ZNF579: variants seen among roughly 807,000 people sequenced by gnomAD.
ZNF579 encodes the protein zinc finger protein 579.
ZNF579 carries 3 observed loss-of-function variants against 5.7 expected under a neutral mutation model. That is an observed-to-expected ratio of 0.53 (90% CI 0.24 to 1.36). The LOEUF (loss-of-function observed/expected upper bound fraction) is 1.36, where lower values mean the gene tolerates loss of function less well. ZNF579 is among the 40% of genes most tolerant of loss of function. ZNF579 has a pLI of 0.16. For synonymous variants in ZNF579, 454 were observed against 409.0 expected, an observed-to-expected ratio of 1.11 and a Z score of -1.33; for missense variants, 679 against 877.6, an observed-to-expected ratio of 0.77 and a Z score of 2.86.
At position 55,578,135 on chromosome 19, in the gene ZNF579, A is replaced by AGCG; in HGVS notation, c.1502_1504dup (p.Pro501dup). On this transcript the variant is annotated inframe_insertion, in exon 2 of 2. Coordinates refer to ENST00000325421, the MANE Select transcript of ZNF579 (RefSeq NM_152600.3). ...CTCTTCCTTAATGTTTGCGAGGGGC[A>AGCG]GCGGGAGCCCTTCTTCCTCCTGCTC... is the stretch of plus-strand genomic sequence containing the variant. 6.5e-7 allele frequency: 1 copy of AGCG among 1,540,082 alleles called. No homozygotes were observed. Among genetic ancestry groups the AGCG allele is most frequent in the Non-Finnish European group, 8.8e-7 (1 of 1,142,240 alleles).
At position 55,578,846 on chromosome 19, in the gene ZNF579, G is replaced by A; in HGVS notation, c.794C>T (p.Pro265Leu). ...GGAGCACTGGTGTCGCTTGGGGCGT[G>A]GCGGGGGCCCCCCTTCCCCTTCCTG... The part of the protein sequence containing the change: ...GEQEGEGGPP[P>L]RPKRHQCSIC... The change falls in exon 2 of 2, where the codon CCA becomes CTA. Residue 265 changes from proline to leucine, a missense_variant. Transcript: ENST00000325421. 6.2e-7 allele frequency: 1 copy of A among 1,600,800 alleles called. No homozygotes were observed. The highest frequency in any genetic ancestry group is 8.5e-7 in the Non-Finnish European group (1 of 1,172,908).
In ZNF579 at chr19:55,579,121, C is replaced by A. The variant is rs1434354999; in HGVS notation, c.519G>T (p.Thr173=). Reference sequence around the variant, plus strand: ...GCGTGGAAGGCTCCCCCGCAGGCCACGTCTCAGGCCACGCTGCGACCGCCT... The same window carrying A: ...GCGTGGAAGGCTCCCCCGCAGGCCAAGTCTCAGGCCACGCTGCGACCGCCT... ...EEEAVAAWPE[T]WPAGEPSTLA... The change falls in exon 2 of 2, where the codon ACG becomes ACT. Residue 173 remains threonine (T), a synonymous_variant. Coordinates refer to ENST00000325421, the MANE Select transcript of ZNF579 (RefSeq NM_152600.3). The A allele has an allele frequency of 6.6e-7, 1 of 1,526,092 alleles. No individual in the cohort carries two copies. Among genetic ancestry groups the A allele is most frequent in the Admixed American group, 2.0e-5 (1 of 50,628 alleles). The allele number at this position is 1,526,092 out of a possible 1,614,324, so 94.5% of individuals were successfully genotyped here. A position where few individuals can be genotyped will look rare whatever the true frequency, so the allele number is the denominator to read the frequency against.
chr19:55,578,143 C>A lies in ZNF579; in HGVS notation c.1497G>T (p.Gly499=). Residue 499 remains glycine (G), a synonymous_variant, in exon 2 of 2, where the codon GGG becomes GGT. Transcript: ENST00000325421. ...PPLKAEQEEE[G]LPLPLANIKE... ...TAATGTTTGCGAGGGGCAGCGGGAG[C>A]CCTTCTTCCTCCTGCTCGGCCTTCA... 1 of 1,532,524 alleles carries A rather than the reference C, an allele frequency of 6.5e-7. No individual in the cohort carries two copies. The allele number at this position is 1,532,524 out of a possible 1,614,324, so 94.9% of individuals were successfully genotyped here. A position where few individuals can be genotyped will look rare whatever the true frequency, so the allele number is the denominator to read the frequency against.
rs757035005 is a variant in ZNF579, at chr19:55,577,916, C to A, written c.*35G>T. ...CTCCTCCATTCTGCAAACCGGGGAGCTCAGGCGGAGCGGCGGAGGGCAGGG... is the reference window on the plus strand; with the variant it reads ...CTCCTCCATTCTGCAAACCGGGGAGATCAGGCGGAGCGGCGGAGGGCAGGG... On this transcript the variant is annotated 3_prime_UTR_variant, in exon 2 of 2. Coordinates refer to ENST00000325421, the MANE Select transcript of ZNF579 (RefSeq NM_152600.3). The A allele has an allele frequency of 6.4e-7, 1 of 1,556,140 alleles. No homozygotes were observed. Among genetic ancestry groups the A allele is most frequent in the East Asian group, 2.4e-5 (1 of 41,942 alleles).
rs1045818743 is a variant in ZNF579 at position 55,577,267 on chromosome 19, C to G, written c.*684G>C. On this transcript the variant is annotated 3_prime_UTR_variant, in exon 2 of 2. Coordinates refer to ENST00000325421, the MANE Select transcript of ZNF579 (RefSeq NM_152600.3). ...TGTGGTAGAGATTGACTGAGTAAGG[C>G]GCGGAGCTTCCACAGGGCAGTGGTG... 6.5e-6 allele frequency: 1 copy of G among 154,462 alleles called. No individual in the cohort carries two copies. The highest frequency in any genetic ancestry group is 1.9e-4 in the East Asian group (1 of 5,198). 9.6% of individuals were successfully genotyped at this position (154,462 alleles called of 1,614,324 possible).
At position 55,579,364 on chromosome 19, in the gene ZNF579, G is replaced by A. The variant is rs747188086; in HGVS notation, c.276C>T (p.Arg92=). The change falls in exon 2 of 2, where the codon CGC becomes CGT. Residue 92 remains arginine (R), a synonymous_variant. Coordinates refer to ENST00000325421, the MANE Select transcript of ZNF579 (RefSeq NM_152600.3). ...RRPAHLSRHL[R]GHGPQPPLRC... ...GCAGCGGGGGCTGGGGCCCGTGGCCGCGCAGGTGGCGGGAAAGGTGGGCCG... is the reference window on the plus strand; with the variant it reads ...GCAGCGGGGGCTGGGGCCCGTGGCCACGCAGGTGGCGGGAAAGGTGGGCCG... The A allele has an allele frequency of 3.7e-6, 5 of 1,344,084 alleles. No homozygotes were observed. The South Asian group carries it at 5.6e-5, about 15-fold the overall frequency. The allele number at this position is 1,344,084 out of a possible 1,614,324, so 83.3% of individuals were successfully genotyped here.
chr19:55,577,710 T>G lies in ZNF579; in HGVS notation c.*241A>C. On this transcript the variant is annotated 3_prime_UTR_variant, in exon 2 of 2. Transcript: ENST00000325421. Reference sequence around the variant, plus strand: ...TCCCTCTGGCCAACTGTCCGCCGCCTTTTTTTCCAAGTCGTCCTGCCTTAA... The same window carrying G: ...TCCCTCTGGCCAACTGTCCGCCGCCGTTTTTTCCAAGTCGTCCTGCCTTAA... 1 of 654,820 alleles carries G rather than the reference T, an allele frequency of 1.5e-6. No individual in the cohort carries two copies. The highest frequency in any genetic ancestry group is 2.4e-6 in the Non-Finnish European group (1 of 422,642). 40.6% of individuals were successfully genotyped at this position (654,820 alleles called of 1,614,324 possible).
In ZNF579 at chr19:55,578,433, C is replaced by T; in HGVS notation, c.1207G>A (p.Gly403Arg). The T allele has an allele frequency of 1.4e-6, 2 of 1,476,376 alleles. No individual in the cohort carries two copies. 91.5% of individuals were successfully genotyped at this position (1,476,376 alleles called of 1,614,324 possible). A position where few individuals can be genotyped will look rare whatever the true frequency, so the allele number is the denominator to read the frequency against. The change falls in exon 2 of 2, where the codon GGG becomes AGG. Residue 403 changes from glycine to arginine, a missense_variant. By Grantham distance (125) the Gly-to-Arg change is moderately radical (BLOSUM62 -2). Around this residue, in one of 6 missense-constraint regions of ZNF579, gnomAD observed 68 missense variants for 154.2 expected, o/e 0.44. Coordinates refer to ENST00000325421, the MANE Select transcript of ZNF579 (RefSeq NM_152600.3). ...FRRRAHLRQH[G>R]VTHSGARPFQ... ...GGGCGCGCTCCCGAGTGGGTCACCC[C>T]GTGCTGCCGCAGGTGCGCCCGGCGC...
At position 55,577,764 on chromosome 19, in the gene ZNF579, C is replaced by A. The variant is rs1979426586; in HGVS notation, c.*187G>T. The A allele has an allele frequency of 2.6e-6, 3 of 1,149,028 alleles. No homozygotes were observed. Among genetic ancestry groups the A allele is most frequent in the Non-Finnish European group, 3.6e-6 (3 of 838,810 alleles). The allele number at this position is 1,149,028 out of a possible 1,614,324, so 71.2% of individuals were successfully genotyped here. On this transcript the variant is annotated 3_prime_UTR_variant, in exon 2 of 2. Coordinates refer to ENST00000325421, the MANE Select transcript of ZNF579 (RefSeq NM_152600.3). The stretch of plus-strand genomic sequence containing the variant: ...ACATGTTGGGGTGAGCGGTTCCTAA[C>A]CAGCATCAGGGGTTCTGGGGGCGGG...
At position 55,578,986 on chromosome 19, in the gene ZNF579, C is replaced by T. The variant is rs1031586431; in HGVS notation, c.654G>A (p.Glu218=). The T allele has an allele frequency of 3.9e-6, 6 of 1,535,934 alleles. No homozygotes were observed. The highest frequency in any genetic ancestry group is 1.9e-5 in the Admixed American group (1 of 51,316). Residue 218 remains glutamate (E), a synonymous_variant, in exon 2 of 2, where the codon GAG becomes GAA. Coordinates refer to ENST00000325421, the MANE Select transcript of ZNF579 (RefSeq NM_152600.3). ...AELALAAGRQ[E]EKQVLLQADW... is the part of the protein sequence containing the mutation. ...CTGCCTGGAGCAGGACCTGTTTCTC[C>T]TCCTGCCGCCCGGCCGCCAGCGCCA...
chr19:55,579,568 T>TCGGCCACGGCCC lies in ZNF579; in HGVS notation c.60_71dup (p.Arg32_Gly35dup). On this transcript the variant is annotated inframe_insertion, in exon 2 of 2. Transcript: ENST00000325421. ...CACGGCCACGGCCCCGACCACGGCCTCGGCCACGGCCCCGGCCTCGGCCAC... is the reference window on the plus strand; with the variant it reads ...CACGGCCACGGCCCCGACCACGGCCTCGGCCACGGCCCCGGCCACGGCCCCGGCCTCGGCCAC... 3 of 1,490,724 alleles carry TCGGCCACGGCCC rather than the reference T, an allele frequency of 2.0e-6. No individual in the cohort carries two copies. Among genetic ancestry groups the TCGGCCACGGCCC allele is most frequent in the Non-Finnish European group, 2.7e-6 (3 of 1,126,310 alleles). 92.3% of individuals were successfully genotyped at this position (1,490,724 alleles called of 1,614,324 possible). A position where few individuals can be genotyped will look rare whatever the true frequency, so the allele number is the denominator to read the frequency against.
rs1460628463 is a variant in ZNF579, at chr19:55,579,580, C to CCGGCCT, written c.54_59dup (p.Arg34_Gly35dup). ...CCCGACCACGGCCTCGGCCACGGCC[C>CCGGCCT]CGGCCTCGGCCACGGTGAGGTGGGC... On this transcript the variant is annotated inframe_insertion, in exon 2 of 2. Coordinates refer to ENST00000325421, the MANE Select transcript of ZNF579 (RefSeq NM_152600.3). The CCGGCCT allele has an allele frequency of 4.7e-6, 7 of 1,493,698 alleles. No homozygotes were observed. Among genetic ancestry groups the CCGGCCT allele is most frequent in the Middle Eastern group, 2.3e-4 (1 of 4,378 alleles). 92.5% of individuals were successfully genotyped at this position (1,493,698 alleles called of 1,614,324 possible).
Position 55,579,054 on chromosome 19 carries a change from A to G in ZNF579, c.586T>C (p.Ser196Pro). The change falls in exon 2 of 2, where the codon TCG (serine) becomes CCG (proline). Residue 196 changes from serine to proline, a missense_variant. This residue lies in a region of ZNF579 where 209 missense variants were observed against 223.4 expected (regional missense o/e 0.94). Coordinates refer to ENST00000325421, the MANE Select transcript of ZNF579 (RefSeq NM_152600.3). ...GCTGCCCCGGCCTCGGCCTCCTCCG[A>G]CTCCGACTCCCGGGGCTCCGCGGCG... is the stretch of plus-strand genomic sequence containing the variant. ...TSAAEPRESE[S>P]EEAEAGAAEL... 1 of 1,529,156 alleles carries G rather than the reference A, an allele frequency of 6.5e-7. No individual in the cohort carries two copies. Among genetic ancestry groups the G allele is most frequent in the Non-Finnish European group, 8.7e-7 (1 of 1,144,380 alleles). The allele number at this position is 1,529,156 out of a possible 1,614,324, so 94.7% of individuals were successfully genotyped here.
Position 55,579,114 on chromosome 19 carries a change from C to A in ZNF579, c.526G>T (p.Ala176Ser). ...GCAGCCAGCGTGGAAGGCTCCCCCGCAGGCCACGTCTCAGGCCACGCTGCG... is the reference window on the plus strand; with the variant it reads ...GCAGCCAGCGTGGAAGGCTCCCCCGAAGGCCACGTCTCAGGCCACGCTGCG... ...AVAAWPETWP[A>S]GEPSTLAAPT... The change falls in exon 2 of 2, where the codon GCG becomes TCG. Residue 176 changes from alanine to serine, a missense_variant. This residue lies in a region of ZNF579 where 209 missense variants were observed against 223.4 expected (regional missense o/e 0.94). Transcript: ENST00000325421. 1 of 1,526,746 alleles carries A rather than the reference C, an allele frequency of 6.5e-7. No homozygotes were observed. Among genetic ancestry groups the A allele is most frequent in the African/African-American group, 1.4e-5 (1 of 71,846 alleles). The allele number at this position is 1,526,746 out of a possible 1,614,324, so 94.6% of individuals were successfully genotyped here. A position where few individuals can be genotyped will look rare whatever the true frequency, so the allele number is the denominator to read the frequency against.
Position 55,578,534 on chromosome 19 carries a change from C to A in ZNF579, c.1106G>T (p.Gly369Val). 7.3e-7 allele frequency: 1 copy of A among 1,363,340 alleles called. No individual in the cohort carries two copies. The highest frequency in any genetic ancestry group is 9.3e-7 in the Non-Finnish European group (1 of 1,079,894). The allele number at this position is 1,363,340 out of a possible 1,614,324, so 84.5% of individuals were successfully genotyped here. The change falls in exon 2 of 2, where the codon GGA (glycine) becomes GTA (valine). Residue 369 changes from glycine (G) to valine (V), a missense_variant. Coordinates refer to ENST00000325421, the MANE Select transcript of ZNF579 (RefSeq NM_152600.3). ...GGGCCGAGCCGGGGCGGCGTCGCCT[C>A]CGTTCTGCCCTTCTCCCCCTTCCGA... is the stretch of plus-strand genomic sequence containing the variant. Reference protein sequence around the residue: ...GASEGGEGQNGGDAAPARPPA... With the variant: ...GASEGGEGQNVGDAAPARPPA...
In ZNF579 at chr19:55,579,504, A is replaced by G; in HGVS notation, c.136T>C (p.Cys46Arg). The G allele has an allele frequency of 7.3e-7, 1 of 1,369,594 alleles. No individual in the cohort carries two copies. Among genetic ancestry groups the G allele is most frequent in the Non-Finnish European group, 9.4e-7 (1 of 1,064,520 alleles). The allele number at this position is 1,369,594 out of a possible 1,614,324, so 84.8% of individuals were successfully genotyped here. Residue 46 changes from cysteine (C) to arginine (R), a missense_variant, in exon 2 of 2, where the codon TGC becomes CGC. Coordinates refer to ENST00000325421, the MANE Select transcript of ZNF579 (RefSeq NM_152600.3). Reference sequence around the variant, plus strand: ...CGGAAGAGGCGGCCGCAGGTGGGGCAGGGCAGGGGCGCCCTAGGGGCTCCA... The same window carrying G: ...CGGAAGAGGCGGCCGCAGGTGGGGCGGGGCAGGGGCGCCCTAGGGGCTCCA... ...GAGAPRAPLP[C>R]PTCGRLFRFP...
chr19:55,579,558 G>A lies in ZNF579; in HGVS notation c.82C>T (p.Arg28Trp), dbSNP rs975865136. 9 of 1,489,838 alleles carry A rather than the reference G, an allele frequency of 6.0e-6. No homozygotes were observed. The highest frequency in any genetic ancestry group is 8.0e-6 in the Non-Finnish European group (9 of 1,125,458). 92.3% of individuals were successfully genotyped at this position (1,489,838 alleles called of 1,614,324 possible). A position where few individuals can be genotyped will look rare whatever the true frequency, so the allele number is the denominator to read the frequency against. The stretch of plus-strand genomic sequence containing the variant: ...CCCCCCCTGCCACGGCCACGGCCCC[G>A]ACCACGGCCTCGGCCACGGCCCCGG... Reference protein sequence around the residue: ...RGRGRGRGRGRGRGRGRGGAG... With the variant: ...RGRGRGRGRGWGRGRGRGGAG... The change falls in exon 2 of 2, where the codon CGG becomes TGG. Residue 28 changes from arginine (R) to tryptophan (W), a missense_variant. By Grantham distance (101) the Arg-to-Trp change is moderately radical (BLOSUM62 -3). Around this residue, in one of 6 missense-constraint regions of ZNF579, gnomAD observed 134 missense variants for 208.9 expected, o/e 0.64. Coordinates refer to ENST00000325421, the MANE Select transcript of ZNF579 (RefSeq NM_152600.3).
At position 55,580,841 on chromosome 19, in the gene ZNF579, C is replaced by T. The variant is rs547843224; in HGVS notation, c.-49G>A. The T allele has an allele frequency of 1.5e-5, 2 of 131,978 alleles. No homozygotes were observed. Among genetic ancestry groups the T allele is most frequent in the Non-Finnish European group, 3.2e-5 (2 of 61,700 alleles). 8.2% of individuals were successfully genotyped at this position (131,978 alleles called of 1,614,324 possible). On this transcript the variant is annotated 5_prime_UTR_variant, in exon 1 of 2. Transcript: ENST00000325421. ...TTCCTTCCCCACGGCCGGCCAAACG[C>T]GGACGGTGGTGGCGGGGAGGGAGGG...
rs776149356 is a variant in ZNF579 at position 55,577,969 on chromosome 19, C to G, written c.1671G>C (p.Leu557=). ...GCGAAGGTCAGGAGGCCAGGCCCCC[C>G]AGCCCGCGCAGGTGAGCCTTGCTGT... ...EVDSKAHLRG[L]GGLAS The change falls in exon 2 of 2, where the codon CTG becomes CTC. Residue 557 remains leucine (L), a synonymous_variant. Transcript: ENST00000325421. The G allele has an allele frequency of 1.3e-6, 2 of 1,594,216 alleles. No individual in the cohort carries two copies. Among genetic ancestry groups the G allele is most frequent in the Non-Finnish European group, 1.7e-6 (2 of 1,170,718 alleles).
Sources: allele counts gnomAD v4.1 joint callset, GRCh38; gene constraint gnomAD v4.1.1; regional missense constraint gnomAD v4.1.1; transcripts MANE v1.5; gene names NCBI Gene and HGNC (gene_info 2026-07-23, HGNC 2026-07-21).